Variants in NR1D2 observed in about 807,000 individuals in gnomAD.
NR1D2 encodes V-erbA-related protein 1-related.
A neutral mutation model predicts 52.2 loss-of-function variants in NR1D2; 25 were observed. That is an observed-to-expected ratio of 0.48 (90% confidence interval 0.35 to 0.67). The LOEUF (loss-of-function observed/expected upper bound fraction) is 0.67, where lower values mean the gene tolerates loss of function less well. Among genes scored for constraint, NR1D2 ranks in the 30% least tolerant of loss-of-function variants. NR1D2 has a pLI of 0.01. For synonymous variants in NR1D2, 259 were observed against 230.1 expected (o/e 1.13, Z -1.14); for missense variants, 681 against 707.2 (o/e 0.96, Z 0.42).
At chr3:23,950,837 G>A (rs1705906885) in intron 1 of NR1D2, among the ~76,000 whole-genome samples, 1 of 151,620 alleles carries the variant, frequency 6.6e-6, no homozygotes, top group Admixed American at 6.6e-5. Flanking sequence ...TGCCCCGTCA[G>A]TGCTTGCAAC....
chr3:23,958,579 G>A lies in NR1D2; in HGVS notation c.373-1092G>A, dbSNP rs1706146103. ...TGCTTGAGCCCGGGAGTTCGAAGTT[G>A]CGGTGAGCTATTATTACGTCATTGT... On this transcript the variant is annotated intron_variant, in intron 3 of 7. Transcript: ENST00000312521. Among the ~76,000 whole-genome samples the A allele has an allele frequency of 2.7e-5, 4 of 150,104 alleles. No individual in the cohort carries two copies. In the South Asian group the frequency reaches 8.4e-4, roughly 32 times the overall value.
At chr3:23,948,829 G>A (rs1374023187) in intron 1 of NR1D2, among the ~76,000 whole-genome samples, 1 of 152,142 alleles carries the variant, frequency 6.6e-6, no homozygotes, top group African/African-American at 2.4e-5. Flanking sequence ...AGATTTATAC[G>A]CAACTTGGTG....
In NR1D2 at chr3:23,961,992, G is replaced by A. The variant is rs1291984456; in HGVS notation, c.533G>A (p.Arg178His). Residue 178 changes from arginine (R) to histidine (H), a missense_variant, in exon 5 of 8, where the codon CGT becomes CAT. Physicochemically the swap from Arg to His is conservative, Grantham distance 29. Transcript: ENST00000312521. ...GMSRDAVRFG[R>H]IPKREKQRML... The stretch of plus-strand genomic sequence containing the variant: ...TCTTCAATAGCTGTTCGGTTTGGTC[G>A]TATTCCTAAGCGTGAAAAACAGAGG... The A allele has an allele frequency of 4.4e-6, 7 of 1,604,044 alleles. No individual in the cohort carries two copies. The highest frequency in any genetic ancestry group is 5.1e-6 in the Non-Finnish European group (6 of 1,173,788).
At chr3:23,976,399 G>A (rs1179206831) in intron 7 of NR1D2, among the ~76,000 whole-genome samples, 3 of 152,214 alleles carry the variant, frequency 2.0e-5, no homozygotes, top group Non-Finnish European at 4.4e-5. Flanking sequence ...GGTTTCTTAG[G>A]AGGTTATAGT....
intron 3 of NR1D2, among the ~76,000 whole-genome samples, chr3:23,958,075 G>GA (rs1706133930): frequency 6.6e-6 from 1 of 152,220 alleles, no homozygotes; most frequent in South Asian, 2.1e-4. Context: ...ACCTATCACA[G>GA]AACATGTACT....
intron 1 of NR1D2, chr3:23,946,676 C>T (rs1705728309): frequency 6.6e-6 from 1 of 152,166 alleles, no homozygotes; most frequent in Non-Finnish European, 1.5e-5. Context: ...ACTCCAACAC[C>T]ATATGTAAGA....
intron 7 of NR1D2, among the ~76,000 whole-genome samples, chr3:23,968,322 A>T (rs1706503892): frequency 6.6e-6 from 1 of 152,238 alleles, no homozygotes; most frequent in African/African-American, 2.4e-5. Context: ...TGAATTTGTT[A>T]GAACATTATG....
chr3:23,945,978 C>A, intron 1 of NR1D2: 1 of 473,204 alleles, frequency 2.1e-6, no homozygotes, highest in Non-Finnish European at 2.8e-6. Context: ...CGTGAGGCCG[C>A]TCGGCTCCCT....
intron 4 of NR1D2, among the ~76,000 whole-genome samples, chr3:23,961,430 C>G (rs1206805327): frequency 9.2e-6 from 1 of 109,152 alleles, no homozygotes; most frequent in Non-Finnish European, 1.7e-5. Flanking sequence ...GAGTATTGCT[C>G]TGTCACCTAG....
rs1303808186 is a variant in NR1D2 at position 23,974,520 on chromosome 3, T to TA, written c.1544-2700dup. On this transcript the variant is annotated intron_variant, in intron 7 of 7. Transcript: ENST00000312521. ...TTCCTCTGTCAGAATGTAAGCTCCT[T>TA]AAAGGCATTCTTGTTTTGTTCACCG... Among the ~76,000 whole-genome samples the TA allele has an allele frequency of 2.0e-5, 3 of 152,324 alleles. No individual in the cohort carries two copies. The East Asian group carries it at 5.8e-4, about 29-fold the overall frequency.
chr3:23,950,802 G>A (rs1338271774), intron 1 of NR1D2, among the ~76,000 whole-genome samples: 4 of 151,780 alleles, frequency 2.6e-5, no homozygotes, highest in Non-Finnish European at 4.4e-5. Flanking sequence ...TTGTTTTTTG[G>A]TTAATTAATT....
chr3:23,973,069 A>C (rs559932841), intron 7 of NR1D2, among the ~76,000 whole-genome samples: 11 of 152,300 alleles, frequency 7.2e-5, no homozygotes, highest in African/African-American at 1.4e-4. Context: ...ACTACTACTA[A>C]TACTAGTTCC....
rs530105390 is a variant in NR1D2, at chr3:23,954,519, T to A, written c.17-18T>A. 5 of 1,603,034 alleles carry A rather than the reference T, an allele frequency of 3.1e-6. No homozygotes were observed. In the South Asian group the frequency reaches 4.4e-5, roughly 14 times the overall value. The stretch of plus-strand genomic sequence containing the variant: ...ATTATCTTGTATCTAATTATGTGAT[T>A]TTCCTCCTATTTTCTAGGAGGTGTG... On this transcript the variant is annotated intron_variant, in intron 1 of 7. Transcript: ENST00000312521.
intron 1 of NR1D2, among the ~76,000 whole-genome samples, chr3:23,948,145 T>C (rs1460383065): frequency 6.6e-6 from 1 of 152,030 alleles, no homozygotes; most frequent in Non-Finnish European, 1.5e-5. Context: ...CTTTTAACTT[T>C]CGAATTTTTG....
rs1177922585 is a variant in NR1D2 at position 23,950,909 on chromosome 3, T to TTTTC, written c.17-3625_17-3624insCTTT. Among the ~76,000 whole-genome samples the TTTTC allele has an allele frequency of 1.0e-3, 147 of 147,308 alleles. 7 individuals carry two copies. The South Asian group carries it at 0.03, about 30-fold the overall frequency. Reference sequence around the variant, plus strand: ...TCTTTTCTCTTTCTTTTTCTTTTTTTTTTTTTTTTTTTGAGATGGAGTTTT... The same window carrying TTTTC: ...TCTTTTCTCTTTCTTTTTCTTTTTTTTTTCTTTTTTTTTTTTGAGATGGAGTTTT... On this transcript the variant is annotated intron_variant, in intron 1 of 7. Coordinates refer to ENST00000312521, the MANE Select transcript of NR1D2 (RefSeq NM_005126.5).
rs1454801889 is a variant in NR1D2 at position 23,959,908 on chromosome 3, A to T, written c.517+93A>T. The stretch of plus-strand genomic sequence containing the variant: ...CAGAGCTATAAACCGGTTACCAAGG[A>T]CCCTCTTGTATTTAAGGTGAAGCAG... On this transcript the variant is annotated intron_variant, in intron 4 of 7. Coordinates refer to ENST00000312521, the MANE Select transcript of NR1D2 (RefSeq NM_005126.5). 4 of 1,173,624 alleles carry T rather than the reference A, an allele frequency of 3.4e-6. No individual in the cohort carries two copies. In the East Asian group the frequency reaches 1.0e-4, roughly 30 times the overall value. The allele number at this position is 1,173,624 out of a possible 1,614,324, so 72.7% of individuals were successfully genotyped here. A position where few individuals can be genotyped will look rare whatever the true frequency, so the allele number is the denominator to read the frequency against.
At chr3:23,971,639 T>C (rs1053403349) in intron 7 of NR1D2, among the ~76,000 whole-genome samples, 4 of 152,144 alleles carry the variant, frequency 2.6e-5, no homozygotes, top group Middle Eastern at 3.2e-3. Flanking sequence ...TCAATTTTTT[T>C]ATGTTTTATT....
intron 7 of NR1D2, among the ~76,000 whole-genome samples, chr3:23,969,691 C>T (rs35962983): frequency 0.4 from 61,236 of 152,080 alleles, 12,619 homozygotes; most frequent in Middle Eastern, 0.57. Context: ...AAGGCACAAG[C>T]TTGCTAAGTG....
chr3:23,959,026 G>A (rs1017512614), intron 3 of NR1D2, among the ~76,000 whole-genome samples: 7 of 152,246 alleles, frequency 4.6e-5, no homozygotes, highest in Middle Eastern at 3.4e-3. Flanking sequence ...CTAACACTTC[G>A]GGAGGCCAAG....
Sources: gnomAD v4.1 joint callset for allele counts (sites outside exome capture counted in the v4.1 genomes callset) on GRCh38, gnomAD v4.1.1 for gene constraint, MANE v1.5 for transcripts, NCBI Gene and HGNC (gene_info 2026-07-23, HGNC 2026-07-21) for gene names.